Variants in SGCD observed in about 807,000 individuals in gnomAD.
SGCD encodes sarcoglycan delta.
Under a neutral mutation model 36.6 loss-of-function variants are expected in SGCD, and 18 were observed. The observed-to-expected ratio is 0.49, with a 90% CI of 0.34 to 0.73. The LOEUF is 0.73. SGCD is among the 30% of genes least tolerant of loss of function. The probability of loss-of-function intolerance (pLI) is 0.01; values close to 1 mark genes in which losing one functional copy is unlikely to be tolerated. For synonymous variants in SGCD, 133 were observed against 130.6 expected, an observed-to-expected ratio of 1.02 and a Z score of -0.12; for missense variants, 387 against 346.7, an observed-to-expected ratio of 1.12 and a Z score of -0.92.
intron 3 of SGCD, among the ~76,000 whole-genome samples, chr5:156,422,077 C>A (rs971384170): frequency 6.6e-6 from 1 of 152,012 alleles, no homozygotes; most frequent in African/African-American, 2.4e-5. Context: ...ACCCAGTAGC[C>A]AGGGTTGATA....
chr5:155,919,143 TAAGAC>T (rs1370330230), intron 1 of SGCD, among the ~76,000 whole-genome samples: 1 of 152,356 alleles, frequency 6.6e-6, no homozygotes, highest in East Asian at 1.9e-4. Flanking sequence ...AAAAATAACA[TAAGAC>T]AGAACAGAGT....
At chr5:156,030,227 A>G (rs1274210706) in intron 1 of SGCD, among the ~76,000 whole-genome samples, 1 of 152,224 alleles carries the variant, frequency 6.6e-6, no homozygotes, top group Non-Finnish European at 1.5e-5. Flanking sequence ...CCAGAAAGAT[A>G]TGTTGAAGTC....
At chr5:156,485,214 A>G (rs1413727208) in intron 3 of SGCD, among the ~76,000 whole-genome samples, 1 of 152,200 alleles carries the variant, frequency 6.6e-6, no homozygotes, top group Non-Finnish European at 1.5e-5. Flanking sequence ...TTTCTTCCAC[A>G]TTTTGAGTAT....
At chr5:155,877,415 T>C (rs767032888) in intron 1 of SGCD, among the ~76,000 whole-genome samples, 1 of 152,134 alleles carries the variant, frequency 6.6e-6, no homozygotes, top group Non-Finnish European at 1.5e-5. Flanking sequence ...CTTGCAAATA[T>C]GGACAATGTG....
At chr5:156,533,874 T>C (rs943211041) in intron 4 of SGCD, among the ~76,000 whole-genome samples, 4 of 152,302 alleles carry the variant, frequency 2.6e-5, no homozygotes, top group African/African-American at 9.6e-5. Context: ...TGTTCCTTCA[T>C]TTCTTATTGA....
chr5:156,464,216 ATT>A (rs773294916), intron 3 of SGCD, among the ~76,000 whole-genome samples: 69 of 116,274 alleles, frequency 5.9e-4, no homozygotes, highest in African/African-American at 1.4e-3. Flanking sequence ...GAATCTACAT[ATT>A]TTTTTTTTTT....
At chr5:155,770,045 G>A in the SGCD span, among the ~76,000 whole-genome samples, 4 of 151,878 alleles carry the variant, frequency 2.6e-5, no homozygotes, top group South Asian at 2.1e-4. Context: ...TATAGTTATG[G>A]TGATTGTACT....
intron 1 of SGCD, among the ~76,000 whole-genome samples, chr5:155,897,787 G>T (rs1456546458): frequency 6.6e-6 from 1 of 151,986 alleles, no homozygotes; most frequent in South Asian, 2.1e-4. Flanking sequence ...GAAATTTTTA[G>T]TTCTATTATA....
intron 3 of SGCD, among the ~76,000 whole-genome samples, chr5:156,396,858 T>C (rs4705012): frequency 0.8 from 121,238 of 152,170 alleles, 49,021 homozygotes; most frequent in African/African-American, 0.94. Context: ...ATTGAGGTGA[T>C]GTAATTCACC....
At chr5:156,580,361 C>A (rs80206401) in intron 4 of SGCD, among the ~76,000 whole-genome samples, 20,486 of 152,202 alleles carry the variant, frequency 0.13, 1,511 homozygotes, top group Admixed American at 0.18. Context: ...TCCTTCATTT[C>A]AACCTTGGTG....
chr5:156,723,638 C>T (rs1409170359), intron 7 of SGCD, among the ~76,000 whole-genome samples: 1 of 152,196 alleles, frequency 6.6e-6, no homozygotes, highest in Non-Finnish European at 1.5e-5. Flanking sequence ...AAAGCCTCCC[C>T]TGAGGGGGTG....
chr5:156,390,008 G>A (rs1001509763), intron 3 of SGCD, among the ~76,000 whole-genome samples: 18 of 152,026 alleles, frequency 1.2e-4, no homozygotes, highest in South Asian at 1.0e-3. Context: ...TGTCATAGTC[G>A]TCGTCTTATG....
chr5:156,167,562 C>G (rs1346311971), intron 3 of SGCD, among the ~76,000 whole-genome samples: 1 of 152,088 alleles, frequency 6.6e-6, no homozygotes, highest in Non-Finnish European at 1.5e-5. Context: ...AAGGGTGAAT[C>G]CCTCATGAAT....
intron 7 of SGCD, among the ~76,000 whole-genome samples, chr5:156,746,627 G>A (rs950677178): frequency 3.3e-5 from 5 of 152,294 alleles, no homozygotes; most frequent in Admixed American, 2.6e-4. Context: ...GTTCAATGGG[G>A]AAAGGATTAT....
At chr5:156,239,287 C>T (rs1255708384) in intron 3 of SGCD, among the ~76,000 whole-genome samples, 1 of 151,116 alleles carries the variant, frequency 6.6e-6, no homozygotes, top group African/African-American at 2.4e-5. Context: ...GTAATCCCAG[C>T]TACTCAGCAG....
the SGCD span, among the ~76,000 whole-genome samples, chr5:155,854,949 C>T: frequency 6.6e-6 from 1 of 152,090 alleles, no homozygotes. Context: ...CAACGGCCTA[C>T]CCAAGTCAAC....
the SGCD span, among the ~76,000 whole-genome samples, chr5:155,855,728 G>T: frequency 6.6e-6 from 1 of 152,044 alleles, no homozygotes; most frequent in African/African-American, 2.4e-5. Context: ...GTGAATTTCC[G>T]GGTTGAGATT....
chr5:156,410,842 T>C (rs112547676), intron 3 of SGCD, among the ~76,000 whole-genome samples: 78 of 152,276 alleles, frequency 5.1e-4, no homozygotes, highest in African/African-American at 1.7e-3. Flanking sequence ...CTGCTGTTTT[T>C]CCCACTCCTC....
chr5:155,805,998 G>C, the SGCD span, among the ~76,000 whole-genome samples: 2 of 152,108 alleles, frequency 1.3e-5, no homozygotes, highest in African/African-American at 2.4e-5. Flanking sequence ...ATGGGGAGGA[G>C]GTCAGCATAC....
Sources: gnomAD v4.1 joint callset for allele counts (sites outside exome capture counted in the v4.1 genomes callset) on GRCh38, gnomAD v4.1.1 for gene constraint, MANE v1.5 for transcripts, NCBI Gene and HGNC (gene_info 2026-07-23, HGNC 2026-07-21) for gene names.